Variants in XKR6 observed in about 807,000 individuals in gnomAD.
XKR6 encodes XK related 6.
A neutral mutation model predicts 56.7 loss-of-function variants in XKR6; 22 were observed. The ratio of observed to expected loss-of-function variants is 0.39; its 90% CI spans 0.28 to 0.55. The LOEUF (loss-of-function observed/expected upper bound fraction) is 0.55, where lower values mean the gene tolerates loss of function less well. Among genes scored for constraint, XKR6 ranks in the 20% least tolerant of loss-of-function variants. The pLI, the probability that XKR6 is intolerant of heterozygous loss-of-function variation, is 0.66. For synonymous variants in XKR6, 524 were observed against 387.8 expected (o/e 1.35, Z -4.13); for missense variants, 852 against 889.0 (o/e 0.96, Z 0.53).
intron 1 of XKR6, among the ~76,000 whole-genome samples, chr8:10,955,835 C>T (rs1009514504): frequency 1.3e-5 from 2 of 152,248 alleles, no homozygotes; most frequent in African/African-American, 2.4e-5. Context: ...ACACTGGACA[C>T]TTCCTTTTCC....
At chr8:10,998,610 C>T (rs1247904006) in intron 1 of XKR6, among the ~76,000 whole-genome samples, 1 of 152,180 alleles carries the variant, frequency 6.6e-6, no homozygotes, top group Non-Finnish European at 1.5e-5. Flanking sequence ...CTGTCTCCAG[C>T]AGAGCAGGCT....
chr8:11,073,245 C>G (rs968997475), intron 1 of XKR6, among the ~76,000 whole-genome samples: 2 of 152,154 alleles, frequency 1.3e-5, no homozygotes, highest in African/African-American at 2.4e-5. Flanking sequence ...TGGGATCCCT[C>G]CTGATGCATA....
intron 1 of XKR6, among the ~76,000 whole-genome samples, chr8:10,968,481 A>G (rs1171745136): frequency 6.6e-6 from 1 of 152,126 alleles, no homozygotes; most frequent in African/African-American, 2.4e-5. Flanking sequence ...TTGAGTTGAG[A>G]CAGTGTCGTG....
chr8:11,138,547 A>G (rs1347344692), intron 1 of XKR6: 3 of 152,206 alleles, frequency 2.0e-5, no homozygotes, highest in African/African-American at 7.2e-5. Context: ...GATTCCTACT[A>G]AAATAATTAA....
At chr8:11,145,175 T>C (rs544812662) in intron 1 of XKR6, among the ~76,000 whole-genome samples, 1 of 152,274 alleles carries the variant, frequency 6.6e-6, no homozygotes, top group East Asian at 1.9e-4. Context: ...CTGGAGCATT[T>C]TGGATTTCAG....
intron 2 of XKR6, among the ~76,000 whole-genome samples, chr8:10,923,173 C>T (rs957504969): frequency 2.6e-5 from 4 of 152,240 alleles, no homozygotes; most frequent in Admixed American, 1.3e-4. Context: ...GCTTATGCTT[C>T]CTGAAGCCTT....
chr8:10,941,770 C>T (rs981162317), intron 1 of XKR6, among the ~76,000 whole-genome samples: 1 of 152,184 alleles, frequency 6.6e-6, no homozygotes, highest in African/African-American at 2.4e-5. Flanking sequence ...TGAGACCCCC[C>T]ACCCTCGACC....
At chr8:10,929,219 T>C (rs1800989409) in intron 1 of XKR6, among the ~76,000 whole-genome samples, 1 of 152,246 alleles carries the variant, frequency 6.6e-6, no homozygotes, top group Admixed American at 6.5e-5. Flanking sequence ...TTGTGTGACA[T>C]TCACTTGTGC....
chr8:11,001,469 C>T (rs574447260), intron 1 of XKR6, among the ~76,000 whole-genome samples: 18 of 152,338 alleles, frequency 1.2e-4, no homozygotes, highest in African/African-American at 3.6e-4. Flanking sequence ...AAACTATTAC[C>T]TCTGCAAAGA....
chr8:10,918,492 C>T (rs1178538593), intron 2 of XKR6, among the ~76,000 whole-genome samples: 1 of 152,246 alleles, frequency 6.6e-6, no homozygotes, highest in African/African-American at 2.4e-5. Context: ...ACAAGCCACC[C>T]TCCACTCCAT....
chr8:11,039,676 C>T (rs1256703597), intron 1 of XKR6, among the ~76,000 whole-genome samples: 2 of 152,230 alleles, frequency 1.3e-5, no homozygotes, highest in Non-Finnish European at 2.9e-5. Flanking sequence ...CCCACGCCCT[C>T]CACAAGGACT....
At chr8:11,096,764 A>G (rs1798274909) in intron 1 of XKR6, among the ~76,000 whole-genome samples, 1 of 152,230 alleles carries the variant, frequency 6.6e-6, no homozygotes, top group African/African-American at 2.4e-5. Flanking sequence ...AAAGTCTACA[A>G]CTGACTTCCA....
chr8:11,168,910 C>T (rs994987084), intron 1 of XKR6, among the ~76,000 whole-genome samples: 7 of 152,166 alleles, frequency 4.6e-5, no homozygotes, highest in Admixed American at 2.6e-4. Context: ...TGGGCATGTA[C>T]GCAGTGGGCT....
intron 1 of XKR6, among the ~76,000 whole-genome samples, chr8:11,172,275 T>C (rs1802417738): frequency 6.6e-6 from 1 of 151,888 alleles, no homozygotes; most frequent in Non-Finnish European, 1.5e-5. Context: ...GAGGCTGAGG[T>C]AGAAGGATCA....
chr8:10,904,288 G>T (rs1170428926), intron 2 of XKR6, among the ~76,000 whole-genome samples: 1 of 152,168 alleles, frequency 6.6e-6, no homozygotes, highest in Non-Finnish European at 1.5e-5. Context: ...TGAGGCTGGG[G>T]GGCTGGGGAA....
chr8:11,043,493 G>A (rs1799335585), intron 1 of XKR6, among the ~76,000 whole-genome samples: 1 of 152,222 alleles, frequency 6.6e-6, no homozygotes, highest in South Asian at 2.1e-4. Context: ...TTGACCTTGA[G>A]GAGTTTGTTT....
chr8:11,015,124 G>T (rs1798588648), intron 1 of XKR6, among the ~76,000 whole-genome samples: 1 of 152,114 alleles, frequency 6.6e-6, no homozygotes, highest in South Asian at 2.1e-4. Context: ...GGCGCTTGGG[G>T]GCGCCTCTGA....
intron 1 of XKR6, among the ~76,000 whole-genome samples, chr8:11,068,274 C>A (rs1175472659): frequency 6.6e-6 from 1 of 152,082 alleles, no homozygotes; most frequent in East Asian, 1.9e-4. Context: ...TAGAGGCAGC[C>A]TGGGGGCGGC....
At chr8:10,977,824 G>T (rs1194729336) in intron 1 of XKR6, among the ~76,000 whole-genome samples, 1 of 151,608 alleles carries the variant, frequency 6.6e-6, no homozygotes, top group South Asian at 2.1e-4. Context: ...AGGATCCAGT[G>T]AGCTAATTTT....
Sources: gnomAD v4.1 joint callset for allele counts (sites outside exome capture counted in the v4.1 genomes callset) on GRCh38, gnomAD v4.1.1 for gene constraint, MANE v1.5 for transcripts, NCBI Gene and HGNC (gene_info 2026-07-23, HGNC 2026-07-21) for gene names.